RIMS2: variants seen among roughly 807,000 people sequenced by gnomAD.
The protein encoded by RIMS2 is regulating synaptic membrane exocytosis protein 2.
Under a neutral mutation model 174.4 loss-of-function variants are expected in RIMS2, and 59 were observed. The ratio of observed to expected loss-of-function variants is 0.34; its 90% CI spans 0.27 to 0.42. The LOEUF (loss-of-function observed/expected upper bound fraction) is 0.42, where lower values mean the gene tolerates loss of function less well. RIMS2 is among the 10% of genes least tolerant of loss of function. The probability of loss-of-function intolerance (pLI) is 1.00; values close to 1 mark genes in which losing one functional copy is unlikely to be tolerated. For missense variants in RIMS2, 1,620 were observed against 1,666.3 expected (o/e 0.97, Z 0.48); for synonymous variants, 606 against 572.5 (o/e 1.06, Z -0.84).
intron 3 of RIMS2, among the ~76,000 whole-genome samples, chr8:103,786,201 T>C (rs1348517154): frequency 4.0e-5 from 6 of 151,828 alleles, no homozygotes; most frequent in African/African-American, 1.4e-4. Context: ...ATCAATTTTG[T>C]TGATCCTTTC....
At chr8:103,984,891 G>A (rs1421208847) in intron 16 of RIMS2, among the ~76,000 whole-genome samples, 1 of 152,158 alleles carries the variant, frequency 6.6e-6, no homozygotes, top group Non-Finnish European at 1.5e-5. Flanking sequence ...GTAACAACAT[G>A]GATGGAACTG....
At chr8:103,759,564 C>CAAAAAAAAAAA (rs35946104) in intron 2 of RIMS2, among the ~76,000 whole-genome samples, 22 of 70,008 alleles carry the variant, frequency 3.1e-4, no homozygotes, top group African/African-American at 7.8e-4. Flanking sequence ...GACTCCGTCT[C>CAAAAAAAAAAA]AAAAAAAAAA....
rs115292692 is a variant in RIMS2 at position 103,582,218 on chromosome 8, C to G, written c.176+81156C>G. ...ACCCACTGCCTTGAAGGAAAGGACT[C>G]AGTCCTGGAAGCATTCATCACCTGC... On this transcript the variant is annotated intron_variant, in intron 1 of 23. Transcript: ENST00000504942. Among the ~76,000 whole-genome samples the G allele has an allele frequency of 4.9e-3, 748 of 152,166 alleles. 5 individuals are homozygous for G. Among genetic ancestry groups the G allele is most frequent in the African/African-American group, 0.018 (729 of 41,512 alleles).
intron 1 of RIMS2, among the ~76,000 whole-genome samples, chr8:103,596,288 C>G (rs370958036): frequency 9.0e-4 from 137 of 152,132 alleles, no homozygotes; most frequent in African/African-American, 3.2e-3. Flanking sequence ...ATAAATAATA[C>G]TTTGCCAATT....
intron 1 of RIMS2, among the ~76,000 whole-genome samples, chr8:103,525,294 CCT>C (rs1167955579): frequency 1.3e-5 from 2 of 152,052 alleles, no homozygotes; most frequent in Non-Finnish European, 2.9e-5. Flanking sequence ...AAAAATGGCC[CCT>C]GTTAACTTAA....
At chr8:103,722,732 T>C (rs898924840) in intron 2 of RIMS2, among the ~76,000 whole-genome samples, 7 of 152,198 alleles carry the variant, frequency 4.6e-5, no homozygotes, top group African/African-American at 1.7e-4. Flanking sequence ...CTTGATCTAA[T>C]AGGTTCTGCA....
chr8:103,982,314 A>G (rs1039936547), intron 16 of RIMS2, among the ~76,000 whole-genome samples: 7 of 152,140 alleles, frequency 4.6e-5, no homozygotes, highest in Non-Finnish European at 8.8e-5. Context: ...TCTAACAAAC[A>G]TTTAAAGAAG....
chr8:104,093,346 G>T, intron 19 of RIMS2, 125 bp from the exon 24 acceptor site: 1 of 602,706 alleles, frequency 1.7e-6, no homozygotes, highest in Non-Finnish European at 2.8e-6. Context: ...TGTTTTATAT[G>T]CAACTGAGTG....
intron 3 of RIMS2, among the ~76,000 whole-genome samples, chr8:103,808,763 C>G (rs1168874930): frequency 6.6e-6 from 1 of 152,130 alleles, no homozygotes; most frequent in Non-Finnish European, 1.5e-5. Flanking sequence ...CCTTTTAAGT[C>G]TATTCTTTTT....
chr8:103,690,980 G>A (rs2097016537), intron 1 of RIMS2, among the ~76,000 whole-genome samples: 1 of 152,122 alleles, frequency 6.6e-6, no homozygotes, highest in Non-Finnish European at 1.5e-5. Flanking sequence ...TACTATTCTA[G>A]GATAAAAGTT....
chr8:103,733,760 C>G (rs1042215539), intron 2 of RIMS2, among the ~76,000 whole-genome samples: 1 of 152,184 alleles, frequency 6.6e-6, no homozygotes, highest in African/African-American at 2.4e-5. Context: ...CTCACAGATT[C>G]TCTTTCCACA....
intron 1 of RIMS2, among the ~76,000 whole-genome samples, chr8:103,596,875 A>T (rs1415614102): frequency 6.6e-6 from 1 of 152,124 alleles, no homozygotes; most frequent in Non-Finnish European, 1.5e-5. Flanking sequence ...TAATAATTGC[A>T]TCACTAATTT....
At chr8:103,693,254 A>G (rs964036363) in intron 1 of RIMS2, among the ~76,000 whole-genome samples, 1 of 152,134 alleles carries the variant, frequency 6.6e-6, no homozygotes, top group African/African-American at 2.4e-5. Flanking sequence ...GCTGCTGCTG[A>G]TAGGTGAAGG....
At chr8:103,584,218 A>G (rs753370889) in intron 1 of RIMS2, among the ~76,000 whole-genome samples, 3 of 152,206 alleles carry the variant, frequency 2.0e-5, no homozygotes, top group Non-Finnish European at 4.4e-5. Flanking sequence ...AAACACTTTT[A>G]TTGTAGAATA....
intron 2 of RIMS2, among the ~76,000 whole-genome samples, chr8:103,722,259 A>C (rs1261712139): frequency 6.6e-6 from 1 of 152,166 alleles, no homozygotes; most frequent in Non-Finnish European, 1.5e-5. Flanking sequence ...CTGTAGTCCC[A>C]GCCACACAGG....
At chr8:103,565,843 CGA>C (rs781380277) in intron 1 of RIMS2, among the ~76,000 whole-genome samples, 1 of 151,970 alleles carries the variant, frequency 6.6e-6, no homozygotes, top group East Asian at 1.9e-4. Context: ...AGTTCAAGGA[CGA>C]GTCAAAGCAA....
chr8:104,251,395 T>C (rs539924789), intron 23 of RIMS2, among the ~76,000 whole-genome samples: 1 of 152,340 alleles, frequency 6.6e-6, no homozygotes, highest in East Asian at 1.9e-4. Flanking sequence ...TCTCTGGATT[T>C]CTTATGACCT....
intron 3 of RIMS2, among the ~76,000 whole-genome samples, chr8:103,789,456 G>A (rs1441832822): frequency 6.6e-6 from 1 of 152,076 alleles, no homozygotes; most frequent in Non-Finnish European, 1.5e-5. Context: ...TTAGTTTAAA[G>A]TCAACCAAGG....
At chr8:103,579,315 C>T (rs1018184814) in intron 1 of RIMS2, among the ~76,000 whole-genome samples, 2 of 151,100 alleles carry the variant, frequency 1.3e-5, no homozygotes, top group Non-Finnish European at 3.0e-5. Flanking sequence ...ACACGAAATG[C>T]CAAAGGGAGT....
Sources: allele counts gnomAD v4.1 joint callset (sites outside exome capture counted in the v4.1 genomes callset), GRCh38; gene constraint gnomAD v4.1.1; transcripts MANE v1.5; gene names NCBI Gene and HGNC (gene_info 2026-07-23, HGNC 2026-07-21).